The following SMIM35 variants were observed in gnomAD, a reference collection of about 807,000 sequenced individuals.
SMIM35 encodes the protein TMPRSS4 antisense RNA 1 (non-protein coding).
intron 1 of SMIM35, among the ~76,000 whole-genome samples, chr11:118,047,061 G>T (rs563523648): frequency 1.1e-4 from 16 of 152,310 alleles, no homozygotes; most frequent in Admixed American, 2.6e-4. Flanking sequence ...TCAAGGAATA[G>T]AAGTGAGCTT....
chr11:118,009,015 C>T (rs2058137066), intron 4 of SMIM35, among the ~76,000 whole-genome samples: 2 of 152,164 alleles, frequency 1.3e-5, no homozygotes, highest in South Asian at 4.1e-4. Context: ...AGCACAAGAT[C>T]CATGGGTCTT....
chr11:118,025,440 C>T (rs1045185018), intron 1 of SMIM35: 10 of 449,644 alleles, frequency 2.2e-5, no homozygotes, highest in Non-Finnish European at 3.6e-5. Context: ...CCTCTGCAGC[C>T]TTGCCAACAT....
intron 1 of SMIM35, among the ~76,000 whole-genome samples, chr11:118,061,603 G>A (rs1371238174): frequency 6.6e-6 from 1 of 152,004 alleles, no homozygotes; most frequent in Non-Finnish European, 1.5e-5. Context: ...TGAGCCCTGG[G>A]AAAACCTCAC....
chr11:118,082,422 G>C (rs376440406), intron 1 of SMIM35, among the ~76,000 whole-genome samples: 6 of 152,032 alleles, frequency 3.9e-5, no homozygotes, highest in African/African-American at 1.5e-4. Flanking sequence ...TTAGCCGAGC[G>C]CAGTAGCTCA....
chr11:118,083,729 ATTG>A (rs888911737), intron 1 of SMIM35, among the ~76,000 whole-genome samples: 2 of 152,298 alleles, frequency 1.3e-5, no homozygotes, highest in South Asian at 2.1e-4. Context: ...GTAAACTATT[ATTG>A]TTGTTGTTAT....
chr11:118,042,499 A>C (rs1457948115), intron 1 of SMIM35, among the ~76,000 whole-genome samples: 1 of 152,210 alleles, frequency 6.6e-6, no homozygotes, highest in Admixed American at 6.5e-5. Context: ...CCCAAGCCTA[A>C]TTAGCTTTCC....
chr11:118,032,325 G>A (rs1278628822), intron 1 of SMIM35, among the ~76,000 whole-genome samples: 1 of 152,196 alleles, frequency 6.6e-6, no homozygotes, highest in African/African-American at 2.4e-5. Flanking sequence ...TCATGGTTAT[G>A]TAGGGAAATG....
chr11:118,083,343 C>G (rs1945301037), intron 1 of SMIM35, among the ~76,000 whole-genome samples: 1 of 152,222 alleles, frequency 6.6e-6, no homozygotes, highest in African/African-American at 2.4e-5. Flanking sequence ...GCGTGTTCCA[C>G]CCTCTCTTCC....
At chr11:118,013,463 G>A (rs553241770) in intron 4 of SMIM35, among the ~76,000 whole-genome samples, 1 of 152,280 alleles carries the variant, frequency 6.6e-6, no homozygotes, top group African/African-American at 2.4e-5. Context: ...AAGATAAAAA[G>A]CTGTGCTCTA....
At chr11:118,066,554 A>G (rs1275364597) in intron 1 of SMIM35, among the ~76,000 whole-genome samples, 1 of 152,228 alleles carries the variant, frequency 6.6e-6, no homozygotes, top group Non-Finnish European at 1.5e-5. Context: ...ACACATCTCT[A>G]ATATATGTAT....
intron 1 of SMIM35, among the ~76,000 whole-genome samples, chr11:118,078,211 A>G (rs936031979): frequency 1.3e-5 from 2 of 152,050 alleles, no homozygotes; most frequent in Non-Finnish European, 2.9e-5. Flanking sequence ...CTATCTTTCA[A>G]GGAGGACAGC....
At chr11:118,052,124 T>G (rs1944226628) in intron 1 of SMIM35, among the ~76,000 whole-genome samples, 1 of 148,550 alleles carries the variant, frequency 6.7e-6, no homozygotes, top group Non-Finnish European at 1.5e-5. Flanking sequence ...CAAAGGCAAC[T>G]CTTGGAACAA....
intron 1 of SMIM35, among the ~76,000 whole-genome samples, chr11:118,071,637 T>C (rs1226461788): frequency 6.6e-6 from 1 of 152,210 alleles, no homozygotes; most frequent in Admixed American, 6.5e-5. Context: ...TCACTGAAAC[T>C]GATCTCAATT....
chr11:118,009,530 A>G (rs2058140015), intron 4 of SMIM35, among the ~76,000 whole-genome samples: 1 of 152,158 alleles, frequency 6.6e-6, no homozygotes, highest in African/African-American at 2.4e-5. Context: ...ACCTGGTCAG[A>G]CACACGCAGA....
At chr11:118,053,268 G>T (rs11828580) in intron 1 of SMIM35, among the ~76,000 whole-genome samples, 1 of 150,734 alleles carries the variant, frequency 6.6e-6, no homozygotes, top group South Asian at 2.1e-4. Flanking sequence ...AGATCATGCC[G>T]TTGCACTCCA....
chr11:118,063,622 A>T (rs1944425974), intron 1 of SMIM35, among the ~76,000 whole-genome samples: 1 of 152,172 alleles, frequency 6.6e-6, no homozygotes, highest in African/African-American at 2.4e-5. Context: ...CAGAAAGCCC[A>T]AGGCAGGATT....
intron 1 of SMIM35, among the ~76,000 whole-genome samples, chr11:118,070,405 G>C (rs907192238): frequency 6.6e-6 from 1 of 152,196 alleles, no homozygotes; most frequent in Non-Finnish European, 1.5e-5. Context: ...TCGAACTCCT[G>C]ACCTCAGGTG....
intron 1 of SMIM35, among the ~76,000 whole-genome samples, chr11:118,077,471 T>C (rs1944747690): frequency 6.6e-6 from 1 of 152,182 alleles, no homozygotes; most frequent in African/African-American, 2.4e-5. Context: ...GGTACACGTC[T>C]CATACCCACC....
intron 1 of SMIM35, among the ~76,000 whole-genome samples, chr11:118,062,102 G>T (rs907857677): frequency 6.6e-6 from 1 of 152,216 alleles, no homozygotes; most frequent in African/African-American, 2.4e-5. Context: ...GGCCAAGGCA[G>T]GTGGATCACC....
Sources: allele counts gnomAD v4.1 joint callset (sites outside exome capture counted in the v4.1 genomes callset), GRCh38; gene constraint gnomAD v4.1.1; transcripts MANE v1.5; gene names NCBI Gene and HGNC (gene_info 2026-07-23, HGNC 2026-07-21).